ANO4: variants seen among roughly 807,000 people sequenced by gnomAD.
ANO4 encodes anoctamin-4.
ANO4 carries 69 observed loss-of-function variants against 141.9 expected under a neutral mutation model. That is an observed-to-expected ratio of 0.49 (90% CI 0.40 to 0.59). The LOEUF is 0.59. Ranked by LOEUF, ANO4 falls within the 20% of genes least tolerant of loss-of-function variation. The pLI is 0.00. For synonymous variants in ANO4, 350 were observed against 394.3 expected (o/e 0.89, Z 1.33); for missense variants, 894 against 1,162.2 (o/e 0.77, Z 3.36).
At chr12:101,011,921 A>G (rs1409513807) in intron 8 of ANO4, among the ~76,000 whole-genome samples, 1 of 152,010 alleles carries the variant, frequency 6.6e-6, no homozygotes, top group Non-Finnish European at 1.5e-5. Context: ...AACCATGCAG[A>G]TTTTCATACC....
intron 3 of ANO4, among the ~76,000 whole-genome samples, chr12:100,929,303 T>C (rs1054265157): frequency 2.0e-5 from 3 of 152,186 alleles, no homozygotes; most frequent in African/African-American, 7.2e-5. Context: ...ACCACCATTC[T>C]ACTCTCTATC....
intron 3 of ANO4, among the ~76,000 whole-genome samples, chr12:100,752,576 A>C (rs767606991): frequency 6.6e-6 from 1 of 152,194 alleles, no homozygotes; most frequent in Non-Finnish European, 1.5e-5. Context: ...AATCCTTTGG[A>C]AACCTTATAG....
intron 5 of ANO4, among the ~76,000 whole-genome samples, chr12:100,942,900 A>T (rs1177305207): frequency 6.6e-6 from 1 of 152,182 alleles, no homozygotes; most frequent in Non-Finnish European, 1.5e-5. Flanking sequence ...CTCTCTCTAG[A>T]GGCTCTTTTT....
chr12:101,042,339 A>G lies in ANO4; in HGVS notation c.1025A>G (p.Tyr342Cys). ...GGCCGTTGTGTCTTTAACAGGCGGTACTTTGGAGAGAAGATTGGGTTATAT... is the reference window on the plus strand; with the variant it reads ...GGCCGTTGTGTCTTTAACAGGCGGTGCTTTGGAGAGAAGATTGGGTTATAT... ...KYQPLDLVRR[Y>C]FGEKIGLYFA... The change falls in exon 12 of 28, where the codon TAC becomes TGC. Residue 342 changes from tyrosine to cysteine, a missense_variant. Tyr to Cys is a radical substitution (Grantham distance 194). This residue lies in a region of ANO4 where 637 missense variants were observed against 909.2 expected (regional missense o/e 0.70). Transcript: ENST00000392977. The G allele has an allele frequency of 1.2e-6, 2 of 1,614,088 alleles. No homozygotes were observed. The highest frequency in any genetic ancestry group is 1.7e-6 in the Non-Finnish European group (2 of 1,179,986).
intron 7 of ANO4, among the ~76,000 whole-genome samples, chr12:100,982,014 C>T (rs894390866): frequency 1.3e-5 from 2 of 152,156 alleles, no homozygotes; most frequent in African/African-American, 4.8e-5. Context: ...ACTGTATTGT[C>T]AGCTCTTCCC....
At chr12:100,892,385 G>A (rs1781666612) in intron 1 of ANO4, among the ~76,000 whole-genome samples, 1 of 152,220 alleles carries the variant, frequency 6.6e-6, no homozygotes, top group Non-Finnish European at 1.5e-5. Context: ...GGAAGGCTAA[G>A]CTATTCAAGG....
At chr12:100,944,997 T>C (rs2136187243) in intron 5 of ANO4, among the ~76,000 whole-genome samples, 1 of 152,300 alleles carries the variant, frequency 6.6e-6, no homozygotes, top group Admixed American at 6.5e-5. Context: ...CAGGAGTTAA[T>C]TCAACCTTTT....
chr12:101,019,170 C>CA, intron 8 of ANO4, among the ~76,000 whole-genome samples: 1 of 151,942 alleles, frequency 6.6e-6, no homozygotes, highest in Non-Finnish European at 1.5e-5. Flanking sequence ...AGGAGGTGCC[C>CA]AAGGAAAGTT....
At chr12:101,023,245 G>A (rs1365683126) in intron 9 of ANO4, among the ~76,000 whole-genome samples, 1 of 152,214 alleles carries the variant, frequency 6.6e-6, no homozygotes, top group Non-Finnish European at 1.5e-5. Flanking sequence ...GAAGGACAGA[G>A]ACAGTGATTT....
At chr12:101,010,183 C>T (rs565258520) in intron 8 of ANO4, among the ~76,000 whole-genome samples, 14 of 152,248 alleles carry the variant, frequency 9.2e-5, no homozygotes, top group African/African-American at 3.4e-4. Context: ...GTTATTTAAA[C>T]ATACACACCC....
chr12:100,934,080 G>A (rs1040450708), intron 3 of ANO4, among the ~76,000 whole-genome samples: 7 of 151,970 alleles, frequency 4.6e-5, no homozygotes, highest in African/African-American at 1.2e-4. Context: ...TTCTTTTGCC[G>A]TGCAGAACCT....
intron 12 of ANO4, 89 bp downstream of exon 12, chr12:101,042,557 A>C: frequency 6.5e-7 from 1 of 1,529,468 alleles, no homozygotes; most frequent in Non-Finnish European, 8.9e-7. Flanking sequence ...TTGTGGAGAC[A>C]TTTAGCTTTT....
intron 14 of ANO4, among the ~76,000 whole-genome samples, chr12:101,055,523 T>G (rs201368203): frequency 6.6e-6 from 1 of 152,234 alleles, no homozygotes; most frequent in South Asian, 2.1e-4. Context: ...GTTATTGGGT[T>G]GTCTGTCTTA....
chr12:100,993,607 G>T (rs1212886054), intron 8 of ANO4, among the ~76,000 whole-genome samples: 1 of 152,074 alleles, frequency 6.6e-6, no homozygotes, highest in Non-Finnish European at 1.5e-5. Context: ...ATATGTCTCT[G>T]ATTCATGTAG....
At chr12:101,037,849 T>G (rs766182411) in intron 10 of ANO4, among the ~76,000 whole-genome samples, 49 of 152,184 alleles carry the variant, frequency 3.2e-4, no homozygotes, top group Non-Finnish European at 6.6e-4. Context: ...AATACAAAGA[T>G]AAATGTCATA....
intron 3 of ANO4, among the ~76,000 whole-genome samples, chr12:100,772,853 C>T (rs889185621): frequency 6.6e-6 from 1 of 152,162 alleles, no homozygotes; most frequent in Admixed American, 6.5e-5. Context: ...TAAAAAATCA[C>T]ACGATCTCAA....
intron 13 of ANO4, among the ~76,000 whole-genome samples, chr12:101,046,698 C>A (rs2047646105): frequency 6.6e-6 from 1 of 152,164 alleles, no homozygotes; most frequent in South Asian, 2.1e-4. Flanking sequence ...TATAACCTTA[C>A]CCCTCCTCAT....
intron 1 of ANO4, among the ~76,000 whole-genome samples, chr12:100,809,115 A>G (rs576532588): frequency 1.2e-3 from 178 of 152,298 alleles, no homozygotes; most frequent in African/African-American, 4.2e-3. Context: ...TTATAATAAT[A>G]TAAGGTAATG....
At chr12:100,761,361 A>G (rs538244438) in intron 3 of ANO4, among the ~76,000 whole-genome samples, 1 of 152,220 alleles carries the variant, frequency 6.6e-6, no homozygotes, top group Non-Finnish European at 1.5e-5. Context: ...GGCTCAGCAC[A>G]TACTCACAGC....
Sources: allele counts gnomAD v4.1 joint callset (sites outside exome capture counted in the v4.1 genomes callset), GRCh38; gene constraint gnomAD v4.1.1; regional missense constraint gnomAD v4.1.1; transcripts MANE v1.5; gene names NCBI Gene and HGNC (gene_info 2026-07-23, HGNC 2026-07-21).